Variants in CCDC85C observed in about 807,000 individuals in gnomAD.
CCDC85C encodes the protein coiled-coil domain-containing protein 85C.
In CCDC85C, 18 loss-of-function variants were observed where a neutral mutation model predicts 38.3. That is an observed-to-expected ratio of 0.47 (90% CI 0.33 to 0.70). CCDC85C has a LOEUF of 0.70. Among genes scored for constraint, CCDC85C ranks in the 30% least tolerant of loss-of-function variants. CCDC85C has a pLI of 0.03. For missense variants in CCDC85C, 566 were observed against 621.2 expected (o/e 0.91, Z 0.94); for synonymous variants, 264 against 293.8 (o/e 0.90, Z 1.04).
At chr14:99,523,086 C>T (rs1461260983) in intron 2 of CCDC85C, 1 of 152,192 alleles carries the variant, frequency 6.6e-6, no homozygotes, top group Non-Finnish European at 1.5e-5. Context: ...TTTTCTACTT[C>T]AAAGGAACTG....
In CCDC85C at chr14:99,603,545, G is replaced by T; in HGVS notation, c.415C>A (p.Arg139Ser). ...ELEARQEALL[R>S]ENLELKELVL... ...AGCTCCTTGAGCTCCAGGTTCTCGC[G>T]CAGCAGGGCCTCCTGGCGCGCCTCG... Residue 139 changes from arginine (R) to serine (S), a missense_variant, in exon 1 of 6, where the codon CGC (arginine) becomes AGC (serine). By Grantham distance (110) the Arg-to-Ser change is moderately radical. Around this residue, in one of 3 missense-constraint regions of CCDC85C, gnomAD observed 269 missense variants for 308.2 expected, o/e 0.87. Coordinates refer to ENST00000380243, the MANE Select transcript of CCDC85C (RefSeq NM_001144995.2). The surrounding 1 kb of genome is among the most constrained non-coding windows in gnomAD (Gnocchi z 7.5). 1 of 1,384,498 alleles carries T rather than the reference G, an allele frequency of 7.2e-7. No individual in the cohort carries two copies. Among genetic ancestry groups the T allele is most frequent in the Non-Finnish European group, 9.3e-7 (1 of 1,075,264 alleles). 85.8% of individuals were successfully genotyped at this position (1,384,498 alleles called of 1,614,324 possible).
chr14:99,547,913 C>T (rs1361687422), intron 1 of CCDC85C, among the ~76,000 whole-genome samples: 1 of 151,940 alleles, frequency 6.6e-6, no homozygotes, highest in African/African-American at 2.4e-5. Context: ...TATACACATA[C>T]ATACACATAT....
chr14:99,503,559 C>A lies in CCDC85C; in HGVS notation c.*11687G>T. The A allele has an allele frequency of 6.9e-7, 1 of 1,443,548 alleles. No individual in the cohort carries two copies. The highest frequency in any genetic ancestry group is 2.1e-5 in the Admixed American group (1 of 46,824). 89.4% of individuals were successfully genotyped at this position (1,443,548 alleles called of 1,614,324 possible). On this transcript the variant is annotated 3_prime_UTR_variant, in exon 6 of 6. Transcript: ENST00000380243. ...TGGTACCTGGATAATCCATTTTTTT[C>A]TCATCATACTCAGGATCCCAGTTAA...
intron 1 of CCDC85C, chr14:99,573,039 A>T (rs1311808015): frequency 1.2e-5 from 4 of 336,094 alleles, no homozygotes; most frequent in Non-Finnish European, 2.4e-5. Context: ...CAGAGAACAG[A>T]GCCTGGTGCT....
Position 99,510,929 on chromosome 14 carries a change from C to A in CCDC85C, c.*4317G>T. The A allele has an allele frequency of 1.5e-6, 1 of 667,802 alleles. No homozygotes were observed. Among genetic ancestry groups the A allele is most frequent in the Non-Finnish European group, 2.2e-6 (1 of 460,512 alleles). 41.4% of individuals were successfully genotyped at this position (667,802 alleles called of 1,614,324 possible). A position where few individuals can be genotyped will look rare whatever the true frequency, so the allele number is the denominator to read the frequency against. On this transcript the variant is annotated 3_prime_UTR_variant, in exon 6 of 6. Coordinates refer to ENST00000380243, the MANE Select transcript of CCDC85C (RefSeq NM_001144995.2). ...ATGGACCGGGCCCCTGGGATAAAAT[C>A]AGAGTGGTCCTCACACCTAGAGGAC...
At chr14:99,595,189 G>T (rs1167684084) in intron 1 of CCDC85C, among the ~76,000 whole-genome samples, 1 of 152,184 alleles carries the variant, frequency 6.6e-6, no homozygotes, top group South Asian at 2.1e-4. Context: ...AACCCAAGGT[G>T]CAGGCAAATG....
At position 99,509,556 on chromosome 14, in the gene CCDC85C, C is replaced by G. The variant is rs903622799; in HGVS notation, c.*5690G>C. ...GCAGCACGCACGCAGCACGCACACGCACACACATGCACACACTCCTCTCAA... is the reference window on the plus strand; with the variant it reads ...GCAGCACGCACGCAGCACGCACACGGACACACATGCACACACTCCTCTCAA... On this transcript the variant is annotated 3_prime_UTR_variant, in exon 6 of 6. Coordinates refer to ENST00000380243, the MANE Select transcript of CCDC85C (RefSeq NM_001144995.2). The G allele has an allele frequency of 6.4e-6, 1 of 156,002 alleles. No homozygotes were observed. The highest frequency in any genetic ancestry group is 1.9e-4 in the East Asian group (1 of 5,172). The allele number at this position is 156,002 out of a possible 1,614,324, so 9.7% of individuals were successfully genotyped here.
rs770804507 is a variant in CCDC85C, at chr14:99,588,954, GGAGACTGGTCA to G, written c.793+14202_793+14212del. Among the ~76,000 whole-genome samples, 8 of 152,126 alleles carry G rather than the reference GGAGACTGGTCA, an allele frequency of 5.3e-5. No individual in the cohort carries two copies. The highest frequency in any genetic ancestry group is 1.3e-4 in the Admixed American group (2 of 15,270). On this transcript the variant is annotated intron_variant, in intron 1 of 5. Transcript: ENST00000380243. The surrounding 1 kb of genome is among the most constrained non-coding windows in gnomAD (Gnocchi z 5.0). Reference sequence around the variant, plus strand: ...CATATGTGGGTAAACTGAGGCCTGGGGAGACTGGTCAGAGACTGAGGCAGAAAGAAAATAAT... The same window carrying G: ...CATATGTGGGTAAACTGAGGCCTGGGGAGACTGAGGCAGAAAGAAAATAAT...
At chr14:99,583,864 A>T (rs2055000347) in intron 1 of CCDC85C, among the ~76,000 whole-genome samples, 1 of 151,690 alleles carries the variant, frequency 6.6e-6, no homozygotes, top group Admixed American at 6.6e-5. Flanking sequence ...ATAAAATCTC[A>T]TAAAACACTG....
chr14:99,529,271 C>A (rs1357029024), intron 2 of CCDC85C, among the ~76,000 whole-genome samples: 3 of 152,198 alleles, frequency 2.0e-5, no homozygotes, highest in Non-Finnish European at 4.4e-5. Flanking sequence ...CAGACCATCC[C>A]TCCCTTCCCA....
intron 1 of CCDC85C, among the ~76,000 whole-genome samples, chr14:99,590,229 C>CT (rs1412153307): frequency 2.0e-5 from 3 of 152,060 alleles, no homozygotes; most frequent in African/African-American, 7.2e-5. Context: ...AACTCCTAGT[C>CT]TTGGGGACTA....
chr14:99,589,638 G>A (rs1183576992), intron 1 of CCDC85C, among the ~76,000 whole-genome samples: 1 of 152,190 alleles, frequency 6.6e-6, no homozygotes, highest in Non-Finnish European at 1.5e-5. Context: ...GGGGTTCAGG[G>A]GTCCCAGTTA....
chr14:99,593,098 C>T (rs564052458), intron 1 of CCDC85C, among the ~76,000 whole-genome samples: 96 of 152,338 alleles, frequency 6.3e-4, no homozygotes, highest in Non-Finnish European at 1.3e-3. Context: ...ACTCCCAGAG[C>T]GGGCTCATTA....
chr14:99,563,481 A>G (rs1898157003), intron 1 of CCDC85C, among the ~76,000 whole-genome samples: 2 of 152,262 alleles, frequency 1.3e-5, no homozygotes, highest in Non-Finnish European at 2.9e-5. Flanking sequence ...AGGCACAGGC[A>G]GCTTCGAGCA....
chr14:99,595,339 G>C (rs1471529571), intron 1 of CCDC85C, among the ~76,000 whole-genome samples: 1 of 152,166 alleles, frequency 6.6e-6, no homozygotes, highest in Admixed American at 6.5e-5. Flanking sequence ...TGCAACCTCT[G>C]CCTCCTGGGT....
chr14:99,500,828 A>C lies in CCDC85C; in HGVS notation c.*14418T>G. ...CCATCAAGTTTGATTTACAGGTAGA[A>C]CATCCATACCAGTTCCTACTAAAAT... On this transcript the variant is annotated 3_prime_UTR_variant, in exon 6 of 6. Coordinates refer to ENST00000380243, the MANE Select transcript of CCDC85C (RefSeq NM_001144995.2). The C allele has an allele frequency of 6.4e-7, 1 of 1,566,002 alleles. No individual in the cohort carries two copies. The highest frequency in any genetic ancestry group is 8.7e-7 in the Non-Finnish European group (1 of 1,153,680).
rs75334765 is a variant in CCDC85C, at chr14:99,522,469, C to T, written c.868-229G>A. 1.4e-3 allele frequency: 598 copies of T among 440,144 alleles called. 3 individuals carry two copies. Among genetic ancestry groups the T allele is most frequent in the African/African-American group, 0.011 (551 of 50,292 alleles). 27.3% of individuals were successfully genotyped at this position (440,144 alleles called of 1,614,324 possible). ...CACTCTCCAACGTGGGCTTTGTAAA[C>T]ATTTGTTGGATGGCTGAATAAACAG... On this transcript the variant is annotated intron_variant, in intron 2 of 5. Coordinates refer to ENST00000380243, the MANE Select transcript of CCDC85C (RefSeq NM_001144995.2).
intron 1 of CCDC85C, among the ~76,000 whole-genome samples, chr14:99,551,702 TGGG>T (rs973653988): frequency 6.7e-6 from 1 of 148,314 alleles, no homozygotes; most frequent in African/African-American, 2.5e-5. Flanking sequence ...AGTGTGCAGG[TGGG>T]TGAGCAGGTG....
intron 1 of CCDC85C, among the ~76,000 whole-genome samples, chr14:99,592,775 G>A (rs951697337): frequency 1.4e-4 from 21 of 152,208 alleles, no homozygotes; most frequent in Non-Finnish European, 5.9e-5. Flanking sequence ...ACCAGGAAAC[G>A]TGAGCCTGTT....
Sources: gnomAD v4.1 joint callset for allele counts (sites outside exome capture counted in the v4.1 genomes callset) on GRCh38, gnomAD v4.1.1 for gene constraint, gnomAD v4.1.1 regional missense constraint, Gnocchi (gnomAD v3.1) non-coding constraint, MANE v1.5 for transcripts, NCBI Gene and HGNC (gene_info 2026-07-23, HGNC 2026-07-21) for gene names.